KCNMA1: variants seen among roughly 807,000 people sequenced by gnomAD.
KCNMA1 encodes potassium calcium-activated channel subfamily M alpha 1, also known as Calcium-activated potassium channel subunit alpha-1.
Under a neutral mutation model 140.0 loss-of-function variants are expected in KCNMA1, and 29 were observed. That is an observed-to-expected ratio of 0.21 (90% CI 0.15 to 0.28). The LOEUF (loss-of-function observed/expected upper bound fraction) is 0.28. Ranked by LOEUF, KCNMA1 falls within the 10% of genes least tolerant of loss-of-function variation. The pLI is 1.00. For synonymous variants in KCNMA1, 612 were observed against 611.9 expected (o/e 1.00, Z 0.00); for missense variants, 880 against 1,602.2 (o/e 0.55, Z 7.70).
rs752826021 is a variant in KCNMA1 at position 77,249,442 on chromosome 10, G to A, written c.602+1753C>T. On this transcript the variant is annotated intron_variant, in intron 3 of 27. Transcript: ENST00000286628. ...GACACAATCCAAATCCATCTAAAGA[G>A]CATTTTATTTCTGAGAAATACAGAG... The A allele has an allele frequency of 5.3e-5, 8 of 151,874 alleles. No homozygotes were observed. In the East Asian group the frequency reaches 1.5e-3, roughly 29 times the overall value. 9.4% of individuals were successfully genotyped at this position (151,874 alleles called of 1,614,324 possible).
intron 2 of KCNMA1, among the ~76,000 whole-genome samples, chr10:77,336,306 T>A (rs2088944518): frequency 6.6e-6 from 1 of 151,832 alleles, no homozygotes; most frequent in Non-Finnish European, 1.5e-5. Context: ...AACCAACAGA[T>A]AGGCTAGAAA....
chr10:77,431,874 T>C (rs1355543245), intron 1 of KCNMA1, among the ~76,000 whole-genome samples: 1 of 151,900 alleles, frequency 6.6e-6, no homozygotes, highest in Non-Finnish European at 1.5e-5. Context: ...ACACCTGTAG[T>C]CCCAGCTACT....
intron 7 of KCNMA1, among the ~76,000 whole-genome samples, chr10:77,110,754 G>A (rs1033202225): frequency 6.6e-6 from 1 of 152,192 alleles, no homozygotes; most frequent in Non-Finnish European, 1.5e-5. Flanking sequence ...AGGCCCAGAT[G>A]GCCTGGATCT....
intron 5 of KCNMA1, among the ~76,000 whole-genome samples, chr10:77,181,316 C>T (rs1051868522): frequency 6.6e-6 from 1 of 152,180 alleles, no homozygotes; most frequent in Non-Finnish European, 1.5e-5. Flanking sequence ...TCCCCTTCCC[C>T]ATCGATTTCC....
intron 1 of KCNMA1, among the ~76,000 whole-genome samples, chr10:77,440,163 A>G (rs2097365714): frequency 6.6e-6 from 1 of 152,136 alleles, no homozygotes. Flanking sequence ...AAACAAGCAA[A>G]TTCTGGCCAT....
At chr10:77,554,798 A>G (rs956658379) in intron 1 of KCNMA1, among the ~76,000 whole-genome samples, 2 of 152,190 alleles carry the variant, frequency 1.3e-5, no homozygotes, top group Non-Finnish European at 1.5e-5. Context: ...CGCACATGGA[A>G]GAGCCTGATC....
rs571094314 is a variant in KCNMA1 at position 77,218,596 on chromosome 10, A to G, written c.602+32599T>C. 3.3e-5 allele frequency among the ~76,000 whole-genome samples: 5 copies of G among 152,334 alleles called. No homozygotes were observed. In the South Asian group the frequency reaches 6.2e-4, roughly 19 times the overall value. On this transcript the variant is annotated intron_variant, in intron 3 of 27. Transcript: ENST00000286628. Reference sequence around the variant, plus strand: ...CCACACGACTCACCCAATCCCATGTAGAGCCCGCAAATATCCATGATCCCA... The same window carrying G: ...CCACACGACTCACCCAATCCCATGTGGAGCCCGCAAATATCCATGATCCCA...
chr10:76,990,714 C>T (rs987771750), intron 19 of KCNMA1, among the ~76,000 whole-genome samples: 3 of 152,204 alleles, frequency 2.0e-5, no homozygotes, highest in African/African-American at 7.2e-5. Context: ...TTTGAAGCAT[C>T]CCTGCTGGAT....
intron 1 of KCNMA1, among the ~76,000 whole-genome samples, chr10:77,621,815 T>C (rs938706813): frequency 5.9e-5 from 9 of 152,124 alleles, no homozygotes; most frequent in Non-Finnish European, 1.3e-4. Context: ...TGTAGTCACA[T>C]GCCTGCAAGT....
At chr10:77,399,979 G>A (rs895094184) in intron 2 of KCNMA1, among the ~76,000 whole-genome samples, 3 of 152,220 alleles carry the variant, frequency 2.0e-5, no homozygotes, top group Non-Finnish European at 2.9e-5. Context: ...AGACAGGTGA[G>A]ATAGAGGCCC....
chr10:77,081,634 C>T (rs543087939), intron 12 of KCNMA1, among the ~76,000 whole-genome samples: 15 of 152,270 alleles, frequency 9.9e-5, no homozygotes, highest in Admixed American at 7.8e-4. Context: ...CACGCTAAAG[C>T]CTCTCCCAGC....
intron 5 of KCNMA1, among the ~76,000 whole-genome samples, chr10:77,145,057 G>A (rs766185975): frequency 5.9e-5 from 9 of 152,098 alleles, no homozygotes; most frequent in Non-Finnish European, 8.8e-5. Context: ...TTCTGCCATC[G>A]AATGCCCCAT....
intron 19 of KCNMA1, among the ~76,000 whole-genome samples, chr10:76,993,823 G>C (rs1345714884): frequency 6.6e-6 from 1 of 152,176 alleles, no homozygotes; most frequent in Non-Finnish European, 1.5e-5. Flanking sequence ...GCCAGGAATG[G>C]GGCCCCATTT....
intron 1 of KCNMA1, among the ~76,000 whole-genome samples, chr10:77,609,787 C>A (rs1293706803): frequency 6.6e-6 from 1 of 151,974 alleles, no homozygotes; most frequent in African/African-American, 2.4e-5. Context: ...CACTCTCAGG[C>A]CTGCGTCAGG....
At chr10:76,923,901 A>G (rs1006994144) in intron 23 of KCNMA1, among the ~76,000 whole-genome samples, 26 of 152,126 alleles carry the variant, frequency 1.7e-4, no homozygotes, top group African/African-American at 6.0e-4. Flanking sequence ...GCTACTTGGG[A>G]GGCTGACGTG....
chr10:77,006,322 T>C (rs141493400), intron 18 of KCNMA1, among the ~76,000 whole-genome samples: 92 of 152,274 alleles, frequency 6.0e-4, no homozygotes, highest in African/African-American at 1.9e-3. Context: ...AATCAATAGA[T>C]ACTTTTCAGG....
At chr10:77,394,323 TA>T (rs1234691022) in intron 2 of KCNMA1, among the ~76,000 whole-genome samples, 3 of 152,152 alleles carry the variant, frequency 2.0e-5, no homozygotes, top group Non-Finnish European at 2.9e-5. Context: ...CACCAGCTAG[TA>T]AAATTAACAG....
At chr10:77,102,507 T>G (rs1456385992) in intron 9 of KCNMA1, among the ~76,000 whole-genome samples, 3 of 152,200 alleles carry the variant, frequency 2.0e-5, no homozygotes, top group Admixed American at 2.0e-4. Context: ...GGATGCCATC[T>G]CCCGATAAGT....
At chr10:77,502,616 C>A (rs963156198) in intron 1 of KCNMA1, among the ~76,000 whole-genome samples, 1 of 152,146 alleles carries the variant, frequency 6.6e-6, no homozygotes, top group Non-Finnish European at 1.5e-5. Context: ...CCCATGGACA[C>A]CAAGAGAAGA....
Sources: allele counts gnomAD v4.1 joint callset (sites outside exome capture counted in the v4.1 genomes callset), GRCh38; gene constraint gnomAD v4.1.1; transcripts MANE v1.5; gene names NCBI Gene and HGNC (gene_info 2026-07-23, HGNC 2026-07-21).